Variants in PAX5 observed in about 807,000 individuals in gnomAD.
The protein encoded by PAX5 is paired box protein Pax-5.
Under a neutral mutation model 43.7 loss-of-function variants are expected in PAX5, and 9 were observed. The ratio of observed to expected loss-of-function variants is 0.21; its 90% CI spans 0.12 to 0.36. The LOEUF (loss-of-function observed/expected upper bound fraction) is 0.36. PAX5 is among the 10% of genes least tolerant of loss of function. PAX5 has a pLI of 1.00. For synonymous variants in PAX5, 228 were observed against 214.3 expected, an observed-to-expected ratio of 1.06 and a Z score of -0.56; for missense variants, 383 against 532.7, an observed-to-expected ratio of 0.72 and a Z score of 2.77.
chr9:36,865,631 G>A (rs1824796306), intron 8 of PAX5, among the ~76,000 whole-genome samples: 1 of 152,184 alleles, frequency 6.6e-6, no homozygotes, highest in Admixed American at 6.5e-5. Flanking sequence ...ATAATCAGGA[G>A]ACCCCACACG....
At chr9:36,998,112 A>G (rs7853972) in intron 5 of PAX5, among the ~76,000 whole-genome samples, 151,771 of 152,370 alleles carry the variant, frequency 1, 75,590 homozygotes, top group East Asian at 1. Flanking sequence ...TCTGAAAGCC[A>G]TATGTTGCAT....
At chr9:36,861,686 G>A (rs1215845680) in intron 8 of PAX5, among the ~76,000 whole-genome samples, 2 of 151,902 alleles carry the variant, frequency 1.3e-5, no homozygotes, top group East Asian at 3.9e-4. Flanking sequence ...GAGGTGTGTG[G>A]CTAGGACAGC....
chr9:36,886,103 C>T (rs1406423777), intron 7 of PAX5, among the ~76,000 whole-genome samples: 1 of 152,062 alleles, frequency 6.6e-6, no homozygotes, highest in Non-Finnish European at 1.5e-5. Flanking sequence ...AGAGGGGGCA[C>T]ATGTGGAGCA....
rs1033922286 is a variant in PAX5, at chr9:36,836,967, CAA to C, written c.*3591_*3592del. On this transcript the variant is annotated 3_prime_UTR_variant, in exon 10 of 10. Coordinates refer to ENST00000358127, the MANE Select transcript of PAX5 (RefSeq NM_016734.3). Reference sequence around the variant, plus strand: ...TCAGAAGCACTGTTGTGGATTTGGTCAAAGACTCCGCAGGTTTCAATGTTCTT... The same window carrying C: ...TCAGAAGCACTGTTGTGGATTTGGTCAGACTCCGCAGGTTTCAATGTTCTT... 4.3e-6 allele frequency: 1 copy of C among 232,500 alleles called. No homozygotes were observed. Among genetic ancestry groups the C allele is most frequent in the African/African-American group, 2.2e-5 (1 of 45,288 alleles). The allele number at this position is 232,500 out of a possible 1,614,324, so 14.4% of individuals were successfully genotyped here.
chr9:36,990,522 C>T (rs954584227), intron 5 of PAX5, among the ~76,000 whole-genome samples: 3 of 152,132 alleles, frequency 2.0e-5, no homozygotes, highest in Admixed American at 6.5e-5. Flanking sequence ...TCAGAATTTT[C>T]TTTCAGCTGC....
At chr9:36,975,341 T>C (rs1835324657) in intron 5 of PAX5, among the ~76,000 whole-genome samples, 1 of 152,126 alleles carries the variant, frequency 6.6e-6, no homozygotes, top group Non-Finnish European at 1.5e-5. Context: ...CGGGTTCGAA[T>C]TCCAGAACTC....
intron 7 of PAX5, among the ~76,000 whole-genome samples, chr9:36,898,478 C>G (rs796319170): frequency 1.3e-5 from 2 of 152,250 alleles, no homozygotes; most frequent in African/African-American, 4.8e-5. Flanking sequence ...AGAACCCCAG[C>G]AACCCCTCCC....
At chr9:36,895,374 C>G (rs1471983014) in intron 7 of PAX5, among the ~76,000 whole-genome samples, 2 of 152,216 alleles carry the variant, frequency 1.3e-5, no homozygotes, top group African/African-American at 4.8e-5. Flanking sequence ...GTCATCAGAA[C>G]AATCGTATGA....
intron 5 of PAX5, among the ~76,000 whole-genome samples, 159 bp from the exon 6 acceptor site, chr9:36,966,883 A>G (rs1234896695): frequency 6.6e-6 from 1 of 152,208 alleles, no homozygotes; most frequent in East Asian, 1.9e-4. Context: ...GCCTTTCCCA[A>G]GGTCACCTGC....
intron 9 of PAX5, among the ~76,000 whole-genome samples, chr9:36,845,234 G>A (rs1587732194): frequency 6.6e-6 from 1 of 152,124 alleles, no homozygotes; most frequent in South Asian, 2.1e-4. Context: ...TCAGGCCTCT[G>A]CCTGAGGCAG....
intron 8 of PAX5, among the ~76,000 whole-genome samples, chr9:36,859,576 G>A (rs542158786): frequency 6.6e-6 from 1 of 152,102 alleles, no homozygotes; most frequent in South Asian, 2.1e-4. Context: ...AGAGTGGGAT[G>A]TGCCCCCTCC....
At chr9:36,848,742 G>A (rs549883469) in intron 8 of PAX5, among the ~76,000 whole-genome samples, 7 of 152,266 alleles carry the variant, frequency 4.6e-5, no homozygotes, top group African/African-American at 1.2e-4. Context: ...TTTGTTTAGC[G>A]TCGCCTCTGC....
intron 6 of PAX5, among the ~76,000 whole-genome samples, chr9:36,925,605 CAG>C (rs1231555930): frequency 1.3e-5 from 2 of 152,080 alleles, no homozygotes; most frequent in African/African-American, 2.4e-5. Context: ...CATTCAGAAA[CAG>C]GGGAAAAAAG....
chr9:36,996,932 C>T (rs1171751568), intron 5 of PAX5, among the ~76,000 whole-genome samples: 2 of 151,554 alleles, frequency 1.3e-5, no homozygotes, highest in African/African-American at 2.4e-5. Flanking sequence ...AGAGTATGTA[C>T]GAAAAAGAAA....
chr9:36,931,964 G>C (rs1831169664), intron 6 of PAX5, among the ~76,000 whole-genome samples: 1 of 152,058 alleles, frequency 6.6e-6, no homozygotes, highest in Non-Finnish European at 1.5e-5. Context: ...TGATAGTGGT[G>C]TGGTTATGCT....
intron 8 of PAX5, among the ~76,000 whole-genome samples, chr9:36,868,592 T>C (rs762849678): frequency 6.6e-6 from 1 of 152,018 alleles, no homozygotes; most frequent in Non-Finnish European, 1.5e-5. Context: ...GTGAGCTCCG[T>C]AGCATCCCAG....
rs556607514 is a variant in PAX5, at chr9:36,999,240, C to T, written c.604+3408G>A. ...TGCACATGCTCACCAGAGTCCCAGA[C>T]TTGGCACAATCTCTCTTGCCTTTGA... On this transcript the variant is annotated intron_variant, in intron 5 of 9. Transcript: ENST00000358127. Among the ~76,000 whole-genome samples the T allele has an allele frequency of 2.2e-4, 33 of 152,354 alleles. 1 individual carries two copies. The South Asian group carries it at 6.6e-3, about 31-fold the overall frequency.
rs191601152 is a variant in PAX5, at chr9:36,902,429, C to G, written c.911-20324G>C. On this transcript the variant is annotated intron_variant, in intron 7 of 9. Coordinates refer to ENST00000358127, the MANE Select transcript of PAX5 (RefSeq NM_016734.3). The stretch of plus-strand genomic sequence containing the variant: ...CCTCAAAAAGGGAGGAGGAAGAAAA[C>G]ACGAAGGAAGATTGAACAGGAATAA... 2.4e-3 allele frequency among the ~76,000 whole-genome samples: 366 copies of G among 152,284 alleles called. 1 individual carries two copies. The highest frequency in any genetic ancestry group is 8.5e-3 in the African/African-American group (355 of 41,556).
intron 7 of PAX5, among the ~76,000 whole-genome samples, chr9:36,885,712 C>T (rs1826850729): frequency 1.3e-5 from 2 of 152,132 alleles, no homozygotes; most frequent in South Asian, 4.2e-4. Flanking sequence ...CTTCATAAGG[C>T]TGTGGTAAGG....
Sources: gnomAD v4.1 joint callset for allele counts (sites outside exome capture counted in the v4.1 genomes callset) on GRCh38, gnomAD v4.1.1 for gene constraint, MANE v1.5 for transcripts, NCBI Gene and HGNC (gene_info 2026-07-23, HGNC 2026-07-21) for gene names.